ASB15: variants seen among roughly 807,000 people sequenced by gnomAD.
The protein encoded by ASB15 is ankyrin repeat and SOCS box containing 15, also known as ankyrin repeat and SOCS box protein 15.
A neutral mutation model predicts 58.0 loss-of-function variants in ASB15; 54 were observed. That is an observed-to-expected ratio of 0.93 (90% CI 0.75 to 1.17). ASB15 has a LOEUF of 1.17. Ranked by LOEUF, ASB15 falls within the 50% of genes most tolerant of loss-of-function variation. The probability of loss-of-function intolerance (pLI) is 0.00; values close to 1 mark genes in which losing one functional copy is unlikely to be tolerated. For missense variants in ASB15, 680 were observed against 707.4 expected, an observed-to-expected ratio of 0.96 and a Z score of 0.44; for synonymous variants, 249 against 262.4, an observed-to-expected ratio of 0.95 and a Z score of 0.50.
intron 1 of ASB15, among the ~76,000 whole-genome samples, chr7:123,580,242 G>A (rs1009355733): frequency 3.3e-5 from 5 of 152,036 alleles, no homozygotes; most frequent in Non-Finnish European, 7.4e-5. Flanking sequence ...GAGCAAACAG[G>A]AGTTATGCTA....
chr7:123,582,484 T>C (rs1424860507), intron 1 of ASB15, among the ~76,000 whole-genome samples: 1 of 151,990 alleles, frequency 6.6e-6, no homozygotes, highest in Non-Finnish European at 1.5e-5. Context: ...TATATACATA[T>C]ATCCTACATA....
In ASB15 at chr7:123,638,791, C is replaced by T. The variant is rs1318945429; in HGVS notation, c.*1810C>T. On this transcript the variant is annotated 3_prime_UTR_variant, in exon 12 of 12. Transcript: ENST00000451215. ...CCTATAGGTCTCAGCTGAGATGTTG[C>T]TTCCTCTAGGATGGGAAGCCTCAGC... The T allele has an allele frequency of 6.6e-6, 1 of 152,142 alleles. No individual in the cohort carries two copies. The highest frequency in any genetic ancestry group is 2.4e-5 in the African/African-American group (1 of 41,418). 9.4% of individuals were successfully genotyped at this position (152,142 alleles called of 1,614,324 possible).
At position 123,636,800 on chromosome 7, in the gene ASB15, T is replaced by A. The variant is rs900859324; in HGVS notation, c.1595-9T>A. The A allele has an allele frequency of 1.3e-6, 2 of 1,590,406 alleles. No individual in the cohort carries two copies. Among genetic ancestry groups the A allele is most frequent in the African/African-American group, 2.7e-5 (2 of 73,204 alleles). On this transcript the variant is annotated splice_polypyrimidine_tract_variant and intron_variant, in intron 11 of 11. Coordinates refer to ENST00000451215, the MANE Select transcript of ASB15 (RefSeq NM_001290258.2). ...AAATTTTTTTGCTTATTTTCCCGAT[T>A]TCTTTTAGAGAATCCTTGTTCATTG...
At chr7:123,595,249 G>C (rs1343675383) in intron 1 of ASB15, among the ~76,000 whole-genome samples, 2 of 152,064 alleles carry the variant, frequency 1.3e-5, no homozygotes, top group African/African-American at 4.8e-5. Flanking sequence ...TAAAACCCAA[G>C]CTTTTATCCA....
chr7:123,587,173 AC>A (rs1386834553), intron 1 of ASB15, among the ~76,000 whole-genome samples: 1 of 151,574 alleles, frequency 6.6e-6, no homozygotes, highest in African/African-American at 2.4e-5. Context: ...ACATTTTAAC[AC>A]TGTTAATTCT....
In ASB15 at chr7:123,637,914, C is replaced by T. The variant is rs1469880942; in HGVS notation, c.*933C>T. On this transcript the variant is annotated 3_prime_UTR_variant, in exon 12 of 12. Coordinates refer to ENST00000451215, the MANE Select transcript of ASB15 (RefSeq NM_001290258.2). ...AAAAAAAAAAAACCTCTTTCCCGAGCTCAGTAGTTAGCACAATGCTCAATT... is the reference window on the plus strand; with the variant it reads ...AAAAAAAAAAAACCTCTTTCCCGAGTTCAGTAGTTAGCACAATGCTCAATT... 2 of 77,792 alleles carry T rather than the reference C, an allele frequency of 2.6e-5. No homozygotes were observed. The highest frequency in any genetic ancestry group is 4.2e-5 in the African/African-American group (1 of 23,622). 4.8% of individuals were successfully genotyped at this position (77,792 alleles called of 1,614,324 possible). A position where few individuals can be genotyped will look rare whatever the true frequency, so the allele number is the denominator to read the frequency against.
intron 1 of ASB15, among the ~76,000 whole-genome samples, chr7:123,576,251 A>G (rs895381081): frequency 2.0e-5 from 3 of 150,212 alleles, no homozygotes; most frequent in African/African-American, 4.9e-5. Flanking sequence ...TGCAGCTTTA[A>G]TTTGATCTTC....
intron 1 of ASB15, among the ~76,000 whole-genome samples, chr7:123,591,927 C>T (rs754620918): frequency 3.9e-5 from 6 of 152,026 alleles, no homozygotes; most frequent in Non-Finnish European, 8.8e-5. Flanking sequence ...TCCTTCTGGC[C>T]CCAGACTTTT....
intron 8 of ASB15, among the ~76,000 whole-genome samples, chr7:123,626,903 A>G (rs1278109735): frequency 1.3e-5 from 2 of 151,814 alleles, no homozygotes; most frequent in Non-Finnish European, 1.5e-5. Flanking sequence ...GTGCCCAGCT[A>G]ATTTTTGTAT....
At chr7:123,570,315 C>A (rs902346558) in intron 1 of ASB15, among the ~76,000 whole-genome samples, 4 of 151,992 alleles carry the variant, frequency 2.6e-5, no homozygotes, top group Non-Finnish European at 5.9e-5. Context: ...GGATTACAGG[C>A]GTGAGCCACC....
At chr7:123,575,725 C>A (rs1222045429) in intron 1 of ASB15, among the ~76,000 whole-genome samples, 1 of 150,934 alleles carries the variant, frequency 6.6e-6, no homozygotes, top group Non-Finnish European at 1.5e-5. Context: ...ACTTAATTAT[C>A]TTGTAAGTGA....
intron 6 of ASB15, 86 bp from the exon 7 acceptor site, chr7:123,617,493 G>A: frequency 1.7e-6 from 2 of 1,178,794 alleles, no homozygotes; most frequent in Admixed American, 2.3e-5. Flanking sequence ...TCAATCCGAT[G>A]TATATAATAT....
chr7:123,621,469 C>T (rs1435575243), intron 7 of ASB15: 1 of 152,200 alleles, frequency 6.6e-6, no homozygotes, highest in African/African-American at 2.4e-5. Context: ...ATTCATGGCA[C>T]TTCCTCAGTT....
chr7:123,601,541 A>C (rs1799881194), upstream of ASB15, among the ~76,000 whole-genome samples: 1 of 152,328 alleles, frequency 6.6e-6, no homozygotes, highest in Non-Finnish European at 1.5e-5. Context: ...TGTCTCTTGA[A>C]CAAATACCTT....
chr7:123,577,050 C>A (rs1428715847), intron 1 of ASB15, among the ~76,000 whole-genome samples: 1 of 152,118 alleles, frequency 6.6e-6, no homozygotes, highest in African/African-American at 2.4e-5. Context: ...TTATTGATAT[C>A]ATGTAAGACA....
rs1363278747 is a variant in ASB15, at chr7:123,618,602, GGGA to G, written c.451+873_451+875del. Among the ~76,000 whole-genome samples, 7 of 152,160 alleles carry G rather than the reference GGGA, an allele frequency of 4.6e-5. No individual in the cohort carries two copies. The East Asian group carries it at 1.4e-3, about 29-fold the overall frequency. On this transcript the variant is annotated intron_variant, in intron 7 of 11. Coordinates refer to ENST00000451215, the MANE Select transcript of ASB15 (RefSeq NM_001290258.2). ...GCCATTATGAAGTTGTCTGTGTGGCGGGAGGAGGAGACGGAAGAGGAGCAGGAG... is the reference window on the plus strand; with the variant it reads ...GCCATTATGAAGTTGTCTGTGTGGCGGGAGGAGACGGAAGAGGAGCAGGAG...
intron 1 of ASB15, among the ~76,000 whole-genome samples, chr7:123,571,824 G>T (rs1251347453): frequency 6.6e-6 from 1 of 151,912 alleles, no homozygotes; most frequent in African/African-American, 2.4e-5. Context: ...GAGTGCAGTG[G>T]CATGATCATG....
At chr7:123,613,951 A>C (rs867972480) in intron 3 of ASB15, among the ~76,000 whole-genome samples, 5 of 152,028 alleles carry the variant, frequency 3.3e-5, no homozygotes, top group Admixed American at 1.3e-4. Context: ...GAGGCTGAGG[A>C]GGGAGAATTG....
intron 1 of ASB15, among the ~76,000 whole-genome samples, chr7:123,572,282 T>C (rs1798931877): frequency 6.6e-6 from 1 of 151,342 alleles, no homozygotes; most frequent in African/African-American, 2.4e-5. Context: ...GCTGGGACTG[T>C]AGGCACGCGC....
Sources: allele counts gnomAD v4.1 joint callset (sites outside exome capture counted in the v4.1 genomes callset), GRCh38; gene constraint gnomAD v4.1.1; transcripts MANE v1.5; gene names NCBI Gene and HGNC (gene_info 2026-07-23, HGNC 2026-07-21).